The following KLHL4 variants were observed in gnomAD, a reference collection of about 807,000 sequenced individuals.
KLHL4 encodes kelch-like protein 4.
A neutral mutation model predicts 45.8 loss-of-function variants in KLHL4; 17 were observed. That is an observed-to-expected ratio of 0.37 (90% confidence interval 0.25 to 0.56). The LOEUF (loss-of-function observed/expected upper bound fraction) is 0.56. KLHL4 is among the 20% of genes least tolerant of loss of function. KLHL4 has a pLI of 0.79. For synonymous variants in KLHL4, 224 were observed against 189.9 expected, an observed-to-expected ratio of 1.18 and a Z score of -1.47; for missense variants, 544 against 544.9, an observed-to-expected ratio of 1.00 and a Z score of 0.02.
chrX:87,605,325 T>C (rs1922157826), intron 1 of KLHL4, among the ~76,000 whole-genome samples: 2 of 111,322 alleles, frequency 1.8e-5, no homozygotes, highest in African/African-American at 6.5e-5. Flanking sequence ...TTCATTGGTA[T>C]TGCATTAAAT....
chrX:87,539,501 G>T (rs1171162292), intron 1 of KLHL4, among the ~76,000 whole-genome samples: 2 of 109,563 alleles, frequency 1.8e-5, no homozygotes, highest in African/African-American at 6.6e-5. Context: ...TATTTATTCT[G>T]GGCCTCAGAA....
intron 1 of KLHL4, among the ~76,000 whole-genome samples, chrX:87,543,930 C>A (rs1431500284): frequency 9.0e-6 from 1 of 111,480 alleles, no homozygotes; most frequent in African/African-American, 3.3e-5. Context: ...CGGGTACTAC[C>A]TCTATGGTCT....
intron 1 of KLHL4, among the ~76,000 whole-genome samples, chrX:87,588,819 G>A (rs767562313): frequency 7.7e-5 from 8 of 104,054 alleles, no homozygotes; most frequent in East Asian, 3.1e-4. Context: ...GAGAAGGAGA[G>A]GAAGAGGAAG....
chrX:87,561,289 A>T (rs1932093080), intron 1 of KLHL4, among the ~76,000 whole-genome samples: 1 of 110,770 alleles, frequency 9.0e-6, no homozygotes, highest in Non-Finnish European at 1.9e-5. Context: ...GGTAGGAGAG[A>T]CAGTCTTAAA....
intron 9 of KLHL4, among the ~76,000 whole-genome samples, chrX:87,655,388 T>G (rs1025400368): frequency 1.8e-5 from 2 of 112,151 alleles, no homozygotes; most frequent in Admixed American, 9.5e-5. Flanking sequence ...GCATATATAT[T>G]TAGGATTGTT....
chrX:87,616,160 T>G (rs1403624553), intron 3 of KLHL4, among the ~76,000 whole-genome samples: 1 of 111,111 alleles, frequency 9.0e-6, no homozygotes, highest in Non-Finnish European at 1.9e-5. Context: ...ACAACTGTTT[T>G]GGGAGCAGAC....
intron 1 of KLHL4, among the ~76,000 whole-genome samples, chrX:87,595,360 C>A (rs1921809925): frequency 8.9e-6 from 1 of 112,086 alleles, no homozygotes. Context: ...TGACAATCTA[C>A]CATGCACAGT....
chrX:87,637,716 A>G (rs1383683803), intron 9 of KLHL4, among the ~76,000 whole-genome samples: 2 of 112,020 alleles, frequency 1.8e-5, no homozygotes, highest in Admixed American at 9.5e-5. Context: ...TGGAAGGTCA[A>G]AGTTGGAGGA....
intron 1 of KLHL4, among the ~76,000 whole-genome samples, chrX:87,569,175 C>T (rs1388393539): frequency 9.0e-6 from 1 of 111,377 alleles, no homozygotes; most frequent in African/African-American, 3.3e-5. Context: ...TTCATTTCTT[C>T]AACGAAGATA....
chrX:87,657,780 C>T (rs1011379303), intron 9 of KLHL4, among the ~76,000 whole-genome samples: 2 of 111,551 alleles, frequency 1.8e-5, no homozygotes, highest in East Asian at 5.7e-4. Context: ...GTTCTGATCC[C>T]ATGCTTTGCC....
intron 1 of KLHL4, among the ~76,000 whole-genome samples, chrX:87,558,692 C>T (rs1396821219): frequency 8.9e-6 from 1 of 111,810 alleles, no homozygotes; most frequent in Non-Finnish European, 1.9e-5. Flanking sequence ...TTTTTTCTAT[C>T]CTTTCATTTA....
chrX:87,646,855 C>T (rs1426639743), intron 9 of KLHL4, among the ~76,000 whole-genome samples: 1 of 111,279 alleles, frequency 9.0e-6, no homozygotes, highest in Non-Finnish European at 1.9e-5. Flanking sequence ...ACTTCATGAC[C>T]AAGAACCCAA....
chrX:87,638,153 A>G (rs222088), intron 9 of KLHL4, among the ~76,000 whole-genome samples: 55,459 of 109,448 alleles, frequency 0.51, 11,375 homozygotes, highest in Non-Finnish European at 0.66. Flanking sequence ...AAAGAAAAAA[A>G]TTATTTTAAA....
Position 87,518,292 on chromosome X carries a change from C to T in KLHL4, c.399C>T (p.Asp133=). ...RAQDLEMMAD[D]NIEDSTARLD... is the part of the protein sequence containing the mutation. ...AAGATTTGGAGATGATGGCTGATGA[C>T]AATATAGAAGATTCTACAGCAAGGT... is the stretch of plus-strand genomic sequence containing the variant. The change falls in exon 1 of 11, where the codon GAC becomes GAT. Residue 133 remains aspartate (D), a synonymous_variant. Transcript: ENST00000373119. The T allele has an allele frequency of 8.3e-7, 1 of 1,208,869 alleles. No homozygotes were observed.
intron 9 of KLHL4, among the ~76,000 whole-genome samples, chrX:87,657,378 A>C (rs1924027425): frequency 8.9e-6 from 1 of 112,169 alleles, no homozygotes; most frequent in South Asian, 3.7e-4. Flanking sequence ...GGTGGACACA[A>C]GCACTAACCC....
rs1923178559 is a variant in KLHL4, at chrX:87,633,868, T to A, written c.1669T>A (p.Ser557Thr). The A allele has an allele frequency of 8.3e-7, 1 of 1,208,886 alleles. No homozygotes were observed. The highest frequency in any genetic ancestry group is 1.8e-5 in the South Asian group (1 of 56,299). ...ACAGTGGAATTACGTAGCCAGTATG[T>A]CAACTCCTAGAAGCACAGTTGGTGT... Reference protein sequence around the residue: ...GRQWNYVASMSTPRSTVGVVA... With the variant: ...GRQWNYVASMTTPRSTVGVVA... Residue 557 changes from serine to threonine, a missense_variant, in exon 8 of 11, where the codon TCA becomes ACA. By Grantham distance (58) the Ser-to-Thr change is moderately conservative. Transcript: ENST00000373119.
intron 9 of KLHL4, among the ~76,000 whole-genome samples, chrX:87,647,878 A>G (rs1250656748): frequency 9.0e-6 from 1 of 111,697 alleles, no homozygotes; most frequent in Admixed American, 9.5e-5. Context: ...TAGCATTAAC[A>G]ACATAAAAAT....
chrX:87,659,672 C>G (rs1452089655), intron 9 of KLHL4, among the ~76,000 whole-genome samples: 1 of 111,352 alleles, frequency 9.0e-6, no homozygotes, highest in African/African-American at 3.3e-5. Flanking sequence ...TAAGTAAGAT[C>G]TTTATATTTC....
intron 9 of KLHL4, among the ~76,000 whole-genome samples, chrX:87,649,589 T>C (rs1403172997): frequency 8.9e-6 from 1 of 112,021 alleles, no homozygotes. Flanking sequence ...AAGAAATGAT[T>C]GTCAAATACA....
Sources: allele counts gnomAD v4.1 joint callset (sites outside exome capture counted in the v4.1 genomes callset), GRCh38; gene constraint gnomAD v4.1.1; transcripts MANE v1.5; gene names NCBI Gene and HGNC (gene_info 2026-07-23, HGNC 2026-07-21).